The following LGR5 variants were observed in gnomAD, a reference collection of about 807,000 sequenced individuals.
The protein encoded by LGR5 is leucine rich repeat containing G protein-coupled receptor 5.
A neutral mutation model predicts 76.7 loss-of-function variants in LGR5; 54 were observed. That is an observed-to-expected ratio of 0.70 (90% CI 0.57 to 0.88). The LOEUF (loss-of-function observed/expected upper bound fraction) is 0.88. Among genes scored for constraint, LGR5 ranks in the 40% least tolerant of loss-of-function variants. The pLI is 0.00. For synonymous variants in LGR5, 406 were observed against 421.9 expected (o/e 0.96, Z 0.46); for missense variants, 1,078 against 1,073.3 (o/e 1.00, Z -0.06).
intron 1 of LGR5, among the ~76,000 whole-genome samples, chr12:71,481,778 A>G (rs1441806116): frequency 1.3e-5 from 2 of 152,118 alleles, no homozygotes; most frequent in Non-Finnish European, 2.9e-5. Flanking sequence ...AATGAAATAG[A>G]CCTCATTATT....
intron 11 of LGR5, among the ~76,000 whole-genome samples, chr12:71,569,741 A>G (rs958792863): frequency 1.3e-5 from 2 of 152,238 alleles, no homozygotes; most frequent in African/African-American, 4.8e-5. Context: ...ATTGTGGAAG[A>G]CAGTATGGCA....
At chr12:71,465,933 G>A (rs1429490897) in intron 1 of LGR5, among the ~76,000 whole-genome samples, 1 of 152,158 alleles carries the variant, frequency 6.6e-6, no homozygotes, top group Non-Finnish European at 1.5e-5. Flanking sequence ...CTCTTAAAAG[G>A]CAGCAACTGC....
intron 4 of LGR5, among the ~76,000 whole-genome samples, chr12:71,549,324 A>AG (rs964160505): frequency 2.6e-5 from 4 of 152,108 alleles, no homozygotes; most frequent in African/African-American, 9.7e-5. Flanking sequence ...ATGTTGGAGA[A>AG]GGGGTACAAA....
intron 1 of LGR5, among the ~76,000 whole-genome samples, chr12:71,488,595 A>G (rs1261798989): frequency 6.6e-6 from 1 of 152,226 alleles, no homozygotes; most frequent in Admixed American, 6.5e-5. Flanking sequence ...GGCAAAATGC[A>G]TCAATGTTTT....
intron 1 of LGR5, among the ~76,000 whole-genome samples, chr12:71,485,265 T>C (rs1270372836): frequency 6.6e-6 from 1 of 152,226 alleles, no homozygotes; most frequent in Non-Finnish European, 1.5e-5. Flanking sequence ...CAATTATTTC[T>C]GTTAAAGAAA....
intron 16 of LGR5, 127 bp downstream of exon 16, chr12:71,580,550 GT>G: frequency 1.1e-6 from 1 of 927,698 alleles, no homozygotes; most frequent in Non-Finnish European, 1.6e-6. Context: ...AATCCCAACA[GT>G]TTGGGAGGCC....
intron 2 of LGR5, among the ~76,000 whole-genome samples, chr12:71,518,690 C>A (rs1433638667): frequency 6.6e-6 from 1 of 152,050 alleles, no homozygotes; most frequent in African/African-American, 2.4e-5. Flanking sequence ...AAGATCATGT[C>A]CTTTGCAGAA....
intron 4 of LGR5, among the ~76,000 whole-genome samples, chr12:71,547,861 C>T (rs1319917920): frequency 2.0e-5 from 3 of 152,066 alleles, no homozygotes; most frequent in African/African-American, 7.3e-5. Context: ...CCTGCCTTGG[C>T]CTCCCAAAGT....
chr12:71,461,924 T>G (rs1872700732), intron 1 of LGR5, among the ~76,000 whole-genome samples: 1 of 152,178 alleles, frequency 6.6e-6, no homozygotes, highest in Non-Finnish European at 1.5e-5. Flanking sequence ...AATCCAGCCT[T>G]AAATGCACAG....
At chr12:71,452,307 T>C (rs745667079) in intron 1 of LGR5, among the ~76,000 whole-genome samples, 14 of 152,186 alleles carry the variant, frequency 9.2e-5, no homozygotes, top group Non-Finnish European at 1.9e-4. Context: ...TAAAACACCC[T>C]GTGTCCATGC....
At chr12:71,583,330 A>T in intron 17 of LGR5, 2 of 280,230 alleles carry the variant, frequency 7.1e-6, no homozygotes, top group Non-Finnish European at 6.7e-6. Flanking sequence ...TGAAAAGTCC[A>T]GGAGATCTGG....
At chr12:71,532,082 C>A (rs1876345645) in intron 3 of LGR5, among the ~76,000 whole-genome samples, 1 of 152,052 alleles carries the variant, frequency 6.6e-6, no homozygotes, top group African/African-American at 2.4e-5. Flanking sequence ...GCAATACATA[C>A]CTTGTACCAG....
chr12:71,446,176 G>A (rs535883232), intron 1 of LGR5, among the ~76,000 whole-genome samples: 1 of 152,184 alleles, frequency 6.6e-6, no homozygotes, highest in Non-Finnish European at 1.5e-5. Context: ...GTGGCTAATA[G>A]GAGTCAGAGA....
intron 1 of LGR5, among the ~76,000 whole-genome samples, chr12:71,494,754 G>A (rs1565690703): frequency 6.6e-6 from 1 of 151,048 alleles, no homozygotes; most frequent in Non-Finnish European, 1.5e-5. Context: ...TACAAACTCA[G>A]TCTAGTTCCT....
intron 1 of LGR5, among the ~76,000 whole-genome samples, chr12:71,491,621 G>A (rs763379359): frequency 7.3e-5 from 11 of 151,540 alleles, no homozygotes; most frequent in Admixed American, 1.3e-4. Flanking sequence ...AGGAAATTGT[G>A]AGATTGACAG....
intron 5 of LGR5, among the ~76,000 whole-genome samples, chr12:71,555,427 G>T (rs1298719356): frequency 1.3e-5 from 2 of 152,130 alleles, no homozygotes; most frequent in Admixed American, 1.3e-4. Flanking sequence ...CACTGGCTCT[G>T]ACCTAACTGA....
At chr12:71,543,283 C>T (rs1038814552) in intron 4 of LGR5, among the ~76,000 whole-genome samples, 3 of 152,206 alleles carry the variant, frequency 2.0e-5, no homozygotes, top group Non-Finnish European at 4.4e-5. Flanking sequence ...CTTTCCTGGG[C>T]TGGGAGTTGG....
At chr12:71,563,437 C>A (rs767878133) in intron 8 of LGR5, among the ~76,000 whole-genome samples, 1 of 152,186 alleles carries the variant, frequency 6.6e-6, no homozygotes, top group Non-Finnish European at 1.5e-5. Context: ...CCTTGAAGCA[C>A]GGCAACCATC....
chr12:71,460,671 G>T (rs1452877400), intron 1 of LGR5, among the ~76,000 whole-genome samples: 1 of 152,106 alleles, frequency 6.6e-6, no homozygotes, highest in Admixed American at 6.6e-5. Context: ...ACGTGTCCCT[G>T]AACCGGTGGA....
Sources: gnomAD v4.1 joint callset for allele counts (sites outside exome capture counted in the v4.1 genomes callset) on GRCh38, gnomAD v4.1.1 for gene constraint, MANE v1.5 for transcripts, NCBI Gene and HGNC (gene_info 2026-07-23, HGNC 2026-07-21) for gene names.